ADD3: variants seen among roughly 807,000 people sequenced by gnomAD.
The protein encoded by ADD3 is adducin 3, also known as gamma-adducin.
In ADD3, 25 loss-of-function variants were observed where a neutral mutation model predicts 80.2. The observed-to-expected ratio is 0.31, with a 90% confidence interval of 0.23 to 0.44. The LOEUF (loss-of-function observed/expected upper bound fraction) is 0.44, where lower values mean the gene tolerates loss of function less well. Among genes scored for constraint, ADD3 ranks in the 20% least tolerant of loss-of-function variants. The pLI is 1.00. For synonymous variants in ADD3, 284 were observed against 289.6 expected, an observed-to-expected ratio of 0.98 and a Z score of 0.20; for missense variants, 829 against 847.5, an observed-to-expected ratio of 0.98 and a Z score of 0.27.
intron 1 of ADD3, among the ~76,000 whole-genome samples, chr10:110,013,819 G>T (rs17126947): frequency 0.021 from 3,267 of 152,300 alleles, 115 homozygotes; most frequent in African/African-American, 0.07. Flanking sequence ...CTCTGCCTCT[G>T]TGGTGGTTTG....
intron 8 of ADD3, 46 bp from the exon 9 acceptor site, chr10:110,122,063 CA>C: frequency 1.3e-6 from 2 of 1,506,488 alleles, no homozygotes; most frequent in Non-Finnish European, 1.8e-6. Flanking sequence ...ATACTCATTA[CA>C]GTCTTTATAG....
intron 12 of ADD3, among the ~76,000 whole-genome samples, chr10:110,128,704 A>G (rs930171010): frequency 6.6e-6 from 1 of 152,148 alleles, no homozygotes; most frequent in Non-Finnish European, 1.5e-5. Context: ...GGCGTGAGCC[A>G]CCACGCCCAG....
At chr10:110,089,183 A>T (rs932026552) in intron 1 of ADD3, among the ~76,000 whole-genome samples, 5 of 152,182 alleles carry the variant, frequency 3.3e-5, no homozygotes, top group East Asian at 1.9e-4. Flanking sequence ...AAAATAAAAA[A>T]AAAGCTTTTT....
chr10:110,108,569 A>G (rs1849638556), intron 2 of ADD3, among the ~76,000 whole-genome samples: 1 of 152,180 alleles, frequency 6.6e-6, no homozygotes, highest in African/African-American at 2.4e-5. Flanking sequence ...TCTCAAAGAT[A>G]AATAAAATTT....
chr10:110,060,559 A>G (rs1858758761), intron 1 of ADD3, among the ~76,000 whole-genome samples: 1 of 152,186 alleles, frequency 6.6e-6, no homozygotes, highest in African/African-American at 2.4e-5. Context: ...CCATTCCACC[A>G]TTTTATTCTC....
chr10:110,134,047 T>G lies in ADD3; in HGVS notation c.*429T>G, dbSNP rs1207160673. The G allele has an allele frequency of 6.5e-6, 1 of 153,066 alleles. No homozygotes were observed. Among genetic ancestry groups the G allele is most frequent in the Non-Finnish European group, 1.5e-5 (1 of 68,380 alleles). 9.5% of individuals were successfully genotyped at this position (153,066 alleles called of 1,614,324 possible). A position where few individuals can be genotyped will look rare whatever the true frequency, so the allele number is the denominator to read the frequency against. On this transcript the variant is annotated 3_prime_UTR_variant, in exon 15 of 15. Coordinates refer to ENST00000356080, the MANE Select transcript of ADD3 (RefSeq NM_016824.5). ...ACTATATTTTTGGAGTCCCATTGTT[T>G]CAGTGGGCATTAACAGAATGCTTTA...
chr10:110,094,259 T>C (rs1847895017), intron 1 of ADD3, among the ~76,000 whole-genome samples: 1 of 152,156 alleles, frequency 6.6e-6, no homozygotes, highest in South Asian at 2.1e-4. Flanking sequence ...GGAGTAAATT[T>C]TGATTATGGG....
intron 1 of ADD3, among the ~76,000 whole-genome samples, chr10:110,096,597 G>C (rs1052018856): frequency 1.3e-5 from 2 of 152,108 alleles, no homozygotes; most frequent in Admixed American, 6.5e-5. Flanking sequence ...TAGCTGGGGG[G>C]GGTCTGCTGG....
At chr10:110,087,270 G>A (rs1846899543) in intron 1 of ADD3, among the ~76,000 whole-genome samples, 1 of 152,180 alleles carries the variant, frequency 6.6e-6, no homozygotes, top group African/African-American at 2.4e-5. Flanking sequence ...GATCTCAAGT[G>A]ATCCACCTGC....
chr10:110,071,640 G>C (rs977516180), intron 1 of ADD3, among the ~76,000 whole-genome samples: 9 of 151,882 alleles, frequency 5.9e-5, no homozygotes, highest in African/African-American at 1.2e-4. Context: ...CATGTAGTCT[G>C]TGTCTTCACA....
At chr10:110,067,299 G>A (rs1844073672) in intron 1 of ADD3, among the ~76,000 whole-genome samples, 1 of 152,160 alleles carries the variant, frequency 6.6e-6, no homozygotes, top group Admixed American at 6.5e-5. Flanking sequence ...AATTATTTCT[G>A]TAGTTTCTAG....
intron 1 of ADD3, among the ~76,000 whole-genome samples, chr10:110,029,024 C>G (rs1367051181): frequency 6.6e-6 from 1 of 152,070 alleles, no homozygotes; most frequent in Admixed American, 6.6e-5. Flanking sequence ...GGATTACAGG[C>G]ATGTGTCACC....
intron 12 of ADD3, among the ~76,000 whole-genome samples, chr10:110,129,140 T>C (rs1173264957): frequency 1.3e-5 from 2 of 150,512 alleles, no homozygotes; most frequent in African/African-American, 2.5e-5. Flanking sequence ...TTTTCTTTCT[T>C]TCTTTCTTTC....
chr10:110,083,545 A>G (rs1846333477), intron 1 of ADD3, among the ~76,000 whole-genome samples: 1 of 152,020 alleles, frequency 6.6e-6, no homozygotes, highest in Non-Finnish European at 1.5e-5. Context: ...AAGAAGAAGT[A>G]TGGTGAGCAA....
At chr10:110,115,655 G>C (rs934230366) in intron 3 of ADD3, among the ~76,000 whole-genome samples, 1 of 152,150 alleles carries the variant, frequency 6.6e-6, no homozygotes, top group African/African-American at 2.4e-5. Context: ...AGTATCACAT[G>C]GGCCTCGAGA....
intron 10 of ADD3, 188 bp from the exon 11 acceptor site, chr10:110,125,638 T>A (rs1024865037): frequency 2.7e-5 from 10 of 377,006 alleles, no homozygotes; most frequent in Middle Eastern, 7.1e-4. Context: ...ATTTATTTTT[T>A]AAGTAAATGT....
intron 1 of ADD3, among the ~76,000 whole-genome samples, chr10:110,067,372 T>A (rs770128599): frequency 2.6e-5 from 4 of 152,238 alleles, no homozygotes; most frequent in Non-Finnish European, 4.4e-5. Context: ...GCAGTTTTTA[T>A]AAACTTTAAA....
rs545031057 is a variant in ADD3 at position 110,051,423 on chromosome 10, A to G, written c.-30+43124A>G. On this transcript the variant is annotated intron_variant, in intron 1 of 14. Coordinates refer to ENST00000356080, the MANE Select transcript of ADD3 (RefSeq NM_016824.5). ...ACAGTGGTTCCTCCAAAAGTTAAACATAATACAAAATTTATATAAATATTT... is the reference window on the plus strand; with the variant it reads ...ACAGTGGTTCCTCCAAAAGTTAAACGTAATACAAAATTTATATAAATATTT... Among the ~76,000 whole-genome samples, 4 of 152,384 alleles carry G rather than the reference A, an allele frequency of 2.6e-5. No individual in the cohort carries two copies. The East Asian group carries it at 7.7e-4, about 29-fold the overall frequency.
Position 110,112,862 on chromosome 10 carries a change from T to C in ADD3, c.281T>C (p.Ile94Thr), listed in dbSNP as rs771612215. The C allele has an allele frequency of 6.2e-7, 1 of 1,614,056 alleles. No individual in the cohort carries two copies. The highest frequency in any genetic ancestry group is 8.5e-7 in the Non-Finnish European group (1 of 1,180,018). ...ACTGGATTACTAGCATTACAGCAGA[T>C]TGCAGATTACATCATGGCCAATTCT... The part of the protein sequence containing the change: ...NPTGLLALQQ[I>T]ADYIMANSFS... The change falls in exon 3 of 15, where the codon ATT becomes ACT. Residue 94 changes from isoleucine to threonine, a missense_variant. Ile to Thr is a moderately conservative substitution (Grantham distance 89). Transcript: ENST00000356080.
Sources: gnomAD v4.1 joint callset for allele counts (sites outside exome capture counted in the v4.1 genomes callset) on GRCh38, gnomAD v4.1.1 for gene constraint, MANE v1.5 for transcripts, NCBI Gene and HGNC (gene_info 2026-07-23, HGNC 2026-07-21) for gene names.